RPS6KA2: variants seen among roughly 807,000 people sequenced by gnomAD.
RPS6KA2 encodes ribosomal protein S6 kinase A2.
In RPS6KA2, 42 loss-of-function variants were observed where a neutral mutation model predicts 91.8. The ratio of observed to expected loss-of-function variants is 0.46; its 90% CI spans 0.36 to 0.59. The LOEUF (loss-of-function observed/expected upper bound fraction) is 0.59, where lower values mean the gene tolerates loss of function less well. Ranked by LOEUF, RPS6KA2 falls within the 20% of genes least tolerant of loss-of-function variation. RPS6KA2 has a pLI of 0.00. For missense variants in RPS6KA2, 798 were observed against 978.5 expected (o/e 0.82, Z 2.46); for synonymous variants, 414 against 393.6 (o/e 1.05, Z -0.61).
chr6:166,702,121 A>T, intron 2 of RPS6KA2: 1 of 1,537,038 alleles, frequency 6.5e-7, no homozygotes, highest in Non-Finnish European at 9.0e-7. Context: ...CAGCCCCTGC[A>T]TTTTCTTTAC....
chr6:166,788,510 A>C (rs1420098624), intron 2 of RPS6KA2, among the ~76,000 whole-genome samples: 1 of 152,254 alleles, frequency 6.6e-6, no homozygotes, highest in Non-Finnish European at 1.5e-5. Context: ...GCAGCTATAA[A>C]AAAGAATGAG....
intron 2 of RPS6KA2, among the ~76,000 whole-genome samples, chr6:166,721,641 G>A (rs1005985418): frequency 2.6e-5 from 4 of 152,212 alleles, no homozygotes; most frequent in Non-Finnish European, 2.9e-5. Context: ...GTGGGTCTGC[G>A]TCTGGGCCCC....
intron 2 of RPS6KA2, among the ~76,000 whole-genome samples, chr6:166,704,307 G>A (rs953738966): frequency 1.3e-5 from 2 of 152,142 alleles, no homozygotes; most frequent in Admixed American, 6.5e-5. Flanking sequence ...GTTAGCATTC[G>A]CCACCCACAC....
rs563165260 is a variant in RPS6KA2, at chr6:166,851,280, C to T, written c.123+6920G>A. Among the ~76,000 whole-genome samples, 4 of 152,326 alleles carry T rather than the reference C, an allele frequency of 2.6e-5. No homozygotes were observed. In the South Asian group the frequency reaches 8.3e-4, roughly 32 times the overall value. ...TCAGACCTGGGAGGCCTTACAGACACCCAAACTGGATCTCATCGCCTTCTC... is the reference window on the plus strand; with the variant it reads ...TCAGACCTGGGAGGCCTTACAGACATCCAAACTGGATCTCATCGCCTTCTC... On this transcript the variant is annotated intron_variant, in intron 2 of 21. Transcript: ENST00000503859.
chr6:166,415,707 C>T (rs1778472678), intron 19 of RPS6KA2, among the ~76,000 whole-genome samples: 4 of 150,900 alleles, frequency 2.7e-5, no homozygotes, highest in Admixed American at 2.0e-4. Context: ...ATTTTGGGAA[C>T]CAGAACTAAG....
chr6:166,703,851 A>C (rs146352643), intron 2 of RPS6KA2, among the ~76,000 whole-genome samples: 3 of 152,236 alleles, frequency 2.0e-5, no homozygotes, highest in Non-Finnish European at 4.4e-5. Flanking sequence ...TCCACTCAAG[A>C]AAAAAACAAA....
Position 166,419,893 on chromosome 6 carries a change from G to A in RPS6KA2, c.1809C>T (p.Thr603=), listed in dbSNP as rs747748277. The A allele has an allele frequency of 6.2e-7, 1 of 1,613,688 alleles. No homozygotes were observed. Among genetic ancestry groups the A allele is most frequent in the African/African-American group, 1.3e-5 (1 of 75,024 alleles). Residue 603 remains threonine, a synonymous_variant, in exon 18 of 21, where the codon ACC becomes ACT. Transcript: ENST00000265678. This position sits in a 1 kb window ranked among gnomAD's most constrained non-coding sequence, Gnocchi z 5.6. The part of the protein sequence containing the change: ...DIWSLGILLY[T]MLAGFTPFAN... ...AGGTGACTGCTTACCCTGCCAGCAT[G>A]GTGTACAACAGGATCCCCAAACTCC...
chr6:166,630,079 C>A (rs1471123177), upstream of RPS6KA2, among the ~76,000 whole-genome samples: 3 of 152,122 alleles, frequency 2.0e-5, no homozygotes, highest in Non-Finnish European at 4.4e-5. Flanking sequence ...GCTCTGAACC[C>A]CTGAGGGTAA....
At position 166,603,034 on chromosome 6, in the gene RPS6KA2, C is replaced by T. The variant is rs1785807620; in HGVS notation, c.99+23887G>A. The stretch of plus-strand genomic sequence containing the variant: ...TAGGAACCCATTCTGCTTTCACCCT[C>T]TGGATGAGTTCATTCAAAGACTAAG... On this transcript the variant is annotated intron_variant, in intron 1 of 20. Transcript: ENST00000265678. This position sits in a 1 kb window ranked among gnomAD's most constrained non-coding sequence, Gnocchi z 4.3. 6.6e-6 allele frequency among the ~76,000 whole-genome samples: 1 copy of T among 152,180 alleles called. No individual in the cohort carries two copies. The highest frequency in any genetic ancestry group is 1.5e-5 in the Non-Finnish European group (1 of 68,024).
At chr6:166,585,224 C>T (rs1427266951) in intron 1 of RPS6KA2, among the ~76,000 whole-genome samples, 2 of 152,194 alleles carry the variant, frequency 1.3e-5, no homozygotes, top group Non-Finnish European at 2.9e-5. Context: ...GTGAGTGACT[C>T]GGGGCTGGGA....
At chr6:166,560,014 T>A (rs1181110468) in intron 1 of RPS6KA2, among the ~76,000 whole-genome samples, 1 of 152,192 alleles carries the variant, frequency 6.6e-6, no homozygotes, top group African/African-American at 2.4e-5. Context: ...GCAAACCGCA[T>A]GACCTTCCCT....
At chr6:166,415,827 C>T (rs1201904419) in intron 19 of RPS6KA2, among the ~76,000 whole-genome samples, 1 of 151,986 alleles carries the variant, frequency 6.6e-6, no homozygotes, top group Non-Finnish European at 1.5e-5. Flanking sequence ...TCACCTCTGC[C>T]ACCACCTCCA....
At chr6:166,570,519 A>G (rs1389704421) in intron 1 of RPS6KA2, among the ~76,000 whole-genome samples, 2 of 152,246 alleles carry the variant, frequency 1.3e-5, no homozygotes, top group African/African-American at 4.8e-5. Flanking sequence ...ACTCTTGGAC[A>G]TTTCAGCAAA....
intron 1 of RPS6KA2, among the ~76,000 whole-genome samples, chr6:166,580,006 G>T (rs1243733661): frequency 1.3e-5 from 2 of 152,246 alleles, no homozygotes; most frequent in African/African-American, 4.8e-5. Flanking sequence ...ACTTCATCAA[G>T]TTCAGCATTG....
chr6:166,518,251 C>CA (rs11373431), intron 3 of RPS6KA2, among the ~76,000 whole-genome samples: 32,515 of 87,154 alleles, frequency 0.37, 6,211 homozygotes, highest in East Asian at 0.46. Flanking sequence ...AACACTGCCT[C>CA]AAAAAAAAAA....
Position 166,648,585 on chromosome 6 carries a change from G to T in RPS6KA2, c.124-109801C>A, listed in dbSNP as rs185603221. ...GAGTTCGTATATTCCTGAATGACTCGCCATTTTAGTATTTTCACCTATCAC... is the reference window on the plus strand; with the variant it reads ...GAGTTCGTATATTCCTGAATGACTCTCCATTTTAGTATTTTCACCTATCAC... On this transcript the variant is annotated intron_variant, in intron 2 of 21. Coordinates refer to the RPS6KA2 transcript ENST00000503859. This position sits in a 1 kb window ranked among gnomAD's most constrained non-coding sequence, Gnocchi z 4.8. Among the ~76,000 whole-genome samples, 1 of 152,084 alleles carries T rather than the reference G, an allele frequency of 6.6e-6. No individual in the cohort carries two copies. The highest frequency in any genetic ancestry group is 2.4e-5 in the African/African-American group (1 of 41,394).
At chr6:166,602,276 G>A (rs1319128172) in intron 1 of RPS6KA2, among the ~76,000 whole-genome samples, 4 of 152,204 alleles carry the variant, frequency 2.6e-5, no homozygotes, top group Non-Finnish European at 5.9e-5. Flanking sequence ...CTTATACGAC[G>A]ACTTTGGAGG....
At chr6:166,425,245 T>A (rs1428915982) in intron 16 of RPS6KA2, among the ~76,000 whole-genome samples, 1 of 152,126 alleles carries the variant, frequency 6.6e-6, no homozygotes, top group African/African-American at 2.4e-5. Context: ...ATTATTATTC[T>A]TTTTAAAATT....
chr6:166,575,282 C>T (rs1051114946), intron 1 of RPS6KA2, among the ~76,000 whole-genome samples: 1 of 152,206 alleles, frequency 6.6e-6, no homozygotes, highest in Non-Finnish European at 1.5e-5. Context: ...TAACACGAGG[C>T]TATGTGTGAT....
Sources: gnomAD v4.1 joint callset for allele counts (sites outside exome capture counted in the v4.1 genomes callset) on GRCh38, gnomAD v4.1.1 for gene constraint, Gnocchi (gnomAD v3.1) non-coding constraint, MANE v1.5 for transcripts, NCBI Gene and HGNC (gene_info 2026-07-23, HGNC 2026-07-21) for gene names.